SMAD1: variants seen among roughly 807,000 people sequenced by gnomAD.
SMAD1 encodes the protein SMAD family member 1, also known as MAD, mothers against decapentaplegic homolog 1.
Under a neutral mutation model 41.6 loss-of-function variants are expected in SMAD1, and 6 were observed. The ratio of observed to expected loss-of-function variants is 0.14; its 90% CI spans 0.08 to 0.28. The LOEUF (loss-of-function observed/expected upper bound fraction) is 0.28. Among genes scored for constraint, SMAD1 ranks in the 10% least tolerant of loss-of-function variants. The pLI is 1.00. For missense variants in SMAD1, 379 were observed against 582.6 expected (o/e 0.65, Z 3.60); for synonymous variants, 206 against 203.2 (o/e 1.01, Z -0.12).
rs935168409 is a variant in SMAD1 at position 145,558,608 on chromosome 4, G to A, written c.*674G>A. Among the ~76,000 whole-genome samples the A allele has an allele frequency of 6.6e-6, 1 of 152,106 alleles. No homozygotes were observed. The highest frequency in any genetic ancestry group is 2.4e-5 in the African/African-American group (1 of 41,404). On this transcript the variant is annotated 3_prime_UTR_variant, in exon 7 of 7. Transcript: ENST00000302085. The stretch of plus-strand genomic sequence containing the variant: ...TAGGAGTATTTGAGGTGGGTGGGGG[G>A]AAGAGGGAAATGACAACTGCAAATG...
chr4:145,540,538 C>T (rs553942634), intron 3 of SMAD1, among the ~76,000 whole-genome samples: 4 of 152,242 alleles, frequency 2.6e-5, no homozygotes, highest in African/African-American at 9.6e-5. Flanking sequence ...ATGATGTAAT[C>T]CCAAGAAACG....
chr4:145,557,729 T>A (rs940897635), intron 6 of SMAD1, 62 bp from the exon 7 acceptor site: 5 of 1,316,282 alleles, frequency 3.8e-6, no homozygotes, highest in Non-Finnish European at 5.3e-6. Flanking sequence ...GAACTCTTCT[T>A]ACTTAATAAG....
chr4:145,532,508 A>G (rs1481539658), intron 2 of SMAD1, among the ~76,000 whole-genome samples: 1 of 152,240 alleles, frequency 6.6e-6, no homozygotes, highest in Non-Finnish European at 1.5e-5. Flanking sequence ...CTAGGATACA[A>G]GAAGGACATA....
chr4:145,525,567 A>C (rs898718398), intron 2 of SMAD1, among the ~76,000 whole-genome samples: 3 of 151,354 alleles, frequency 2.0e-5, no homozygotes, highest in African/African-American at 7.3e-5. Flanking sequence ...CTGGTGCTGA[A>C]TCTAGTTTGA....
chr4:145,528,813 A>G (rs760609287), intron 2 of SMAD1, among the ~76,000 whole-genome samples: 3 of 152,238 alleles, frequency 2.0e-5, no homozygotes, highest in Non-Finnish European at 2.9e-5. Context: ...GAGAGACACC[A>G]TAGCACGGTG....
intron 2 of SMAD1, among the ~76,000 whole-genome samples, chr4:145,523,329 G>A (rs941779129): frequency 6.6e-6 from 1 of 152,178 alleles, no homozygotes; most frequent in Non-Finnish European, 1.5e-5. Flanking sequence ...CCACAGAAAA[G>A]CTTGCTCACT....
intron 5 of SMAD1, among the ~76,000 whole-genome samples, chr4:145,550,699 CTT>C (rs1340401105): frequency 6.6e-6 from 1 of 152,114 alleles, no homozygotes; most frequent in Non-Finnish European, 1.5e-5. Flanking sequence ...AAGAATCTAT[CTT>C]TTAAAAATTA....
chr4:145,505,661 G>A (rs1388560163), intron 1 of SMAD1, among the ~76,000 whole-genome samples: 1 of 151,024 alleles, frequency 6.6e-6, no homozygotes, highest in Admixed American at 6.6e-5. Flanking sequence ...CATGCAGTTT[G>A]CTTATAATCA....
chr4:145,549,425 C>T (rs2126542035), intron 5 of SMAD1, among the ~76,000 whole-genome samples: 1 of 152,266 alleles, frequency 6.6e-6, no homozygotes, highest in East Asian at 1.9e-4. Flanking sequence ...TCTGTCTATC[C>T]AAAACCTGTG....
At chr4:145,554,712 A>T (rs1435556709) in intron 6 of SMAD1, among the ~76,000 whole-genome samples, 2 of 152,176 alleles carry the variant, frequency 1.3e-5, no homozygotes, top group Non-Finnish European at 2.9e-5. Flanking sequence ...GAGAAATAAA[A>T]ATTTTTAAGA....
At position 145,487,183 on chromosome 4, in the gene SMAD1, A is replaced by G. The variant is rs114987650; in HGVS notation, c.-177+5145A>G. On this transcript the variant is annotated intron_variant, in intron 1 of 6. Coordinates refer to ENST00000302085, the MANE Select transcript of SMAD1 (RefSeq NM_005900.3). ...GAGATCCAAGATTGCACAAAGTTCA[A>G]ATTAAAGCAGGCAACTCTGACATCT... Among the ~76,000 whole-genome samples, 1,193 of 152,284 alleles carry G rather than the reference A, an allele frequency of 7.8e-3. 17 individuals are homozygous for G. Among genetic ancestry groups the G allele is most frequent in the African/African-American group, 0.028 (1,149 of 41,554 alleles).
At chr4:145,516,652 A>G (rs2126421311) in intron 2 of SMAD1, among the ~76,000 whole-genome samples, 1 of 152,236 alleles carries the variant, frequency 6.6e-6, no homozygotes, top group African/African-American at 2.4e-5. Flanking sequence ...TTGTTATATC[A>G]GCTGTGATGC....
In SMAD1 at chr4:145,558,089, A is replaced by AC; in HGVS notation, c.*155_*156insC. ...ATTCAGAAATTTAAACAAAAAAAAA[A>AC]AAAAACACACACACCTTGGTAACAT... On this transcript the variant is annotated 3_prime_UTR_variant, in exon 7 of 7. Transcript: ENST00000302085. 1.2e-5 allele frequency: 5 copies of AC among 413,180 alleles called. No individual in the cohort carries two copies. Among genetic ancestry groups the AC allele is most frequent in the Non-Finnish European group, 2.2e-5 (5 of 228,228 alleles). The allele number at this position is 413,180 out of a possible 1,614,324, so 25.6% of individuals were successfully genotyped here. A position where few individuals can be genotyped will look rare whatever the true frequency, so the allele number is the denominator to read the frequency against.
intron 1 of SMAD1, among the ~76,000 whole-genome samples, chr4:145,483,673 A>G (rs1243768400): frequency 6.6e-6 from 1 of 152,140 alleles, no homozygotes; most frequent in Non-Finnish European, 1.5e-5. Context: ...CAGGTGGTGT[A>G]TCATTGGTGT....
chr4:145,549,255 T>G (rs1418302714), intron 5 of SMAD1, among the ~76,000 whole-genome samples: 1 of 152,158 alleles, frequency 6.6e-6, no homozygotes, highest in Non-Finnish European at 1.5e-5. Context: ...CAGGCAAAAC[T>G]GGAATATGAA....
At chr4:145,534,621 T>G (rs1054947477) in intron 2 of SMAD1, among the ~76,000 whole-genome samples, 5 of 152,164 alleles carry the variant, frequency 3.3e-5, no homozygotes, top group African/African-American at 1.2e-4. Context: ...CTCGAACATT[T>G]ATGGAACTTT....
At chr4:145,548,105 T>C (rs538159089) in intron 5 of SMAD1, among the ~76,000 whole-genome samples, 55 of 152,316 alleles carry the variant, frequency 3.6e-4, no homozygotes, top group African/African-American at 1.3e-3. Context: ...ATGGAACTCA[T>C]GGGGCATGCC....
At chr4:145,527,255 G>C (rs1281130253) in intron 2 of SMAD1, among the ~76,000 whole-genome samples, 11 of 144,626 alleles carry the variant, frequency 7.6e-5, no homozygotes, top group Admixed American at 2.1e-4. Flanking sequence ...ACGGAGTCTT[G>C]CTCTGTCGCC....
chr4:145,527,353 A>G (rs1381465058), intron 2 of SMAD1, among the ~76,000 whole-genome samples: 1 of 150,746 alleles, frequency 6.6e-6, no homozygotes, highest in Non-Finnish European at 1.5e-5. Context: ...CCTCCCAAGT[A>G]GCTGGGACTA....
Sources: allele counts gnomAD v4.1 joint callset (sites outside exome capture counted in the v4.1 genomes callset), GRCh38; gene constraint gnomAD v4.1.1; transcripts MANE v1.5; gene names NCBI Gene and HGNC (gene_info 2026-07-23, HGNC 2026-07-21).